Variants in CCDC27 observed in about 807,000 individuals in gnomAD.
The protein encoded by CCDC27 is coiled-coil domain containing 27, also known as coiled-coil domain-containing protein 27.
In CCDC27, 80 loss-of-function variants were observed where a neutral mutation model predicts 80.3. The observed-to-expected ratio is 1.00, with a 90% CI of 0.83 to 1.20. The LOEUF is 1.20. Ranked by LOEUF, CCDC27 falls within the 50% of genes most tolerant of loss-of-function variation. The pLI is 0.00. For synonymous variants in CCDC27, 342 were observed against 334.3 expected (o/e 1.02, Z -0.25); for missense variants, 815 against 809.4 (o/e 1.01, Z -0.08).
In CCDC27 at chr1:3,766,444, G is replaced by A; in HGVS notation, c.1453-91G>A. The A allele has an allele frequency of 1.2e-6, 1 of 806,768 alleles. No homozygotes were observed. The highest frequency in any genetic ancestry group is 2.1e-6 in the Non-Finnish European group (1 of 486,838). The allele number at this position is 806,768 out of a possible 1,614,324, so 50.0% of individuals were successfully genotyped here. On this transcript the variant is annotated intron_variant, in intron 8 of 11. Coordinates refer to ENST00000294600, the MANE Select transcript of CCDC27 (RefSeq NM_152492.3). This position sits in a 1 kb window ranked among gnomAD's most constrained non-coding sequence, Gnocchi z 6.1. ...AATCCCGCTGCTATTATTTTAGGGA[G>A]CTTTGGGGAAGGAAAAAAGTTAGAT...
rs542558276 is a variant in CCDC27 at position 3,761,134 on chromosome 1, G to A, written c.712-147G>A. Reference sequence around the variant, plus strand: ...AGATGTGTAGTGCTAGCTCTTTACCGCAGTACCTATCTTGAAATCCCTGGG... The same window carrying A: ...AGATGTGTAGTGCTAGCTCTTTACCACAGTACCTATCTTGAAATCCCTGGG... On this transcript the variant is annotated intron_variant, in intron 4 of 11. Transcript: ENST00000294600. This position sits in a 1 kb window ranked among gnomAD's most constrained non-coding sequence, Gnocchi z 5.0. The A allele has an allele frequency of 5.8e-5, 49 of 844,264 alleles. No individual in the cohort carries two copies. The highest frequency in any genetic ancestry group is 1.7e-4 in the African/African-American group (10 of 58,160). The allele number at this position is 844,264 out of a possible 1,614,324, so 52.3% of individuals were successfully genotyped here.
chr1:3,755,396 T>C (rs1642926086), intron 2 of CCDC27, 61 bp from the exon 3 acceptor site: 1 of 1,387,994 alleles, frequency 7.2e-7, no homozygotes, highest in African/African-American at 1.4e-5. Context: ...GAGTCTGCCC[T>C]GGAGATCTTG....
intron 4 of CCDC27, 37 bp downstream of exon 4, chr1:3,756,927 C>T (rs779577431): frequency 8.2e-6 from 13 of 1,592,326 alleles, no homozygotes; most frequent in Non-Finnish European, 1.1e-5. Context: ...GGCCCCCCAC[C>T]CCTCTCTCTG....
chr1:3,753,056 T>C (rs10797411), intron 1 of CCDC27, among the ~76,000 whole-genome samples: 57,694 of 152,062 alleles, frequency 0.38, 10,969 homozygotes, highest in Middle Eastern at 0.51. Flanking sequence ...CTGCTTTGGG[T>C]TGGTCCTCCC....
At position 3,766,415 on chromosome 1, in the gene CCDC27, T is replaced by C. The variant is rs558885626; in HGVS notation, c.1453-120T>C. On this transcript the variant is annotated intron_variant, in intron 8 of 11. Coordinates refer to ENST00000294600, the MANE Select transcript of CCDC27 (RefSeq NM_152492.3). This position sits in a 1 kb window ranked among gnomAD's most constrained non-coding sequence, Gnocchi z 6.1. ...CTTCTTCTCTTCTCCCTGCCTTCAA[T>C]AGAAATCCCGCTGCTATTATTTTAG... The C allele has an allele frequency of 4.6e-6, 3 of 651,570 alleles. No homozygotes were observed. Among genetic ancestry groups the C allele is most frequent in the South Asian group, 4.0e-5 (2 of 50,322 alleles). The allele number at this position is 651,570 out of a possible 1,614,324, so 40.4% of individuals were successfully genotyped here.
rs1643222267 is a variant in CCDC27, at chr1:3,766,146, G to C, written c.1453-389G>C. Among the ~76,000 whole-genome samples, 1 of 152,226 alleles carries C rather than the reference G, an allele frequency of 6.6e-6. No homozygotes were observed. The highest frequency in any genetic ancestry group is 6.5e-5 in the Admixed American group (1 of 15,286). Reference sequence around the variant, plus strand: ...CTTCTAAAGTGCTGGGATTACAGGTGTGAGCCACTGCACGTGGCCTAGGGC... The same window carrying C: ...CTTCTAAAGTGCTGGGATTACAGGTCTGAGCCACTGCACGTGGCCTAGGGC... On this transcript the variant is annotated intron_variant, in intron 8 of 11. Transcript: ENST00000294600. This position sits in a 1 kb window ranked among gnomAD's most constrained non-coding sequence, Gnocchi z 6.1.
At chr1:3,762,075 G>A (rs1240479802) in intron 5 of CCDC27, among the ~76,000 whole-genome samples, 1 of 152,166 alleles carries the variant, frequency 6.6e-6, no homozygotes, top group African/African-American at 2.4e-5. Context: ...TTGTGCCCAG[G>A]GGCGGTCACC....
In CCDC27 at chr1:3,768,088, C is replaced by CTT. The variant is rs775378587; in HGVS notation, c.1743+664_1743+665dup. On this transcript the variant is annotated intron_variant, in intron 10 of 11. Coordinates refer to ENST00000294600, the MANE Select transcript of CCDC27 (RefSeq NM_152492.3). This position sits in a 1 kb window ranked among gnomAD's most constrained non-coding sequence, Gnocchi z 5.6. ...AAAAGGAAATCAATAAAGAGCTGACCTTTTTTTTTTTTTTTTTTTTTTCTG... is the reference window on the plus strand; with the variant it reads ...AAAAGGAAATCAATAAAGAGCTGACCTTTTTTTTTTTTTTTTTTTTTTTTCTG... 9.0e-4 allele frequency among the ~76,000 whole-genome samples: 108 copies of CTT among 120,318 alleles called. 1 individual carries two copies. Among genetic ancestry groups the CTT allele is most frequent in the Admixed American group, 2.3e-3 (26 of 11,476 alleles). The allele number at this position is 120,318 out of a possible 152,430, so 78.9% of individuals were successfully genotyped here.
In CCDC27 at chr1:3,769,829, C is replaced by G. The variant is rs1189369576; in HGVS notation, c.1790C>G (p.Ser597Cys). 1 of 1,614,098 alleles carries G rather than the reference C, an allele frequency of 6.2e-7. No homozygotes were observed. Among genetic ancestry groups the G allele is most frequent in the Non-Finnish European group, 8.5e-7 (1 of 1,179,992 alleles). ...ATCATCCAGGCCACCTTTAGCATCT[C>G]CGGGACCAAGTCCTTGGCCAACGAG... The part of the protein sequence containing the change: ...NKIIQATFSI[S>C]GTKSLANEIS... Residue 597 changes from serine to cysteine, a missense_variant, in exon 11 of 12, where the codon TCC (serine) becomes TGC (cysteine). Ser to Cys is a moderately radical substitution (Grantham distance 112). Coordinates refer to ENST00000294600, the MANE Select transcript of CCDC27 (RefSeq NM_152492.3). This position sits in a 1 kb window ranked among gnomAD's most constrained non-coding sequence, Gnocchi z 4.6.
At chr1:3,756,919 C>T (rs1313286151) in intron 4 of CCDC27, 29 bp downstream of exon 4, 2 of 1,595,774 alleles carry the variant, frequency 1.3e-6, no homozygotes, top group South Asian at 1.1e-5. Flanking sequence ...CAAATCCCGG[C>T]CCCCCACCCC....
intron 4 of CCDC27, among the ~76,000 whole-genome samples, chr1:3,759,868 G>A (rs1032465628): frequency 2.0e-5 from 3 of 152,202 alleles, no homozygotes; most frequent in African/African-American, 7.2e-5. Flanking sequence ...ATATGCTGTT[G>A]TTATTCATGC....
rs1392650232 is a variant in CCDC27 at position 3,762,257 on chromosome 1, G to A, written c.862-363G>A. Among the ~76,000 whole-genome samples the A allele has an allele frequency of 3.3e-5, 5 of 152,194 alleles. No homozygotes were observed. In the East Asian group the frequency reaches 5.8e-4, roughly 18 times the overall value. ...CGGGGGCAGGGAAAGGTGGCCAGCC[G>A]GCGGCTTCCACTCTCTGTCCTCCCC... is the stretch of plus-strand genomic sequence containing the variant. On this transcript the variant is annotated intron_variant, in intron 5 of 11. Coordinates refer to ENST00000294600, the MANE Select transcript of CCDC27 (RefSeq NM_152492.3).
At chr1:3,758,351 G>A (rs2124591858) in intron 4 of CCDC27, among the ~76,000 whole-genome samples, 1 of 152,028 alleles carries the variant, frequency 6.6e-6, no homozygotes, top group Admixed American at 6.6e-5. Flanking sequence ...ACCACACCCA[G>A]CTAATTTTTG....
At chr1:3,767,960 G>A (rs958596257) in intron 10 of CCDC27, among the ~76,000 whole-genome samples, 9 of 152,200 alleles carry the variant, frequency 5.9e-5, no homozygotes, top group Admixed American at 2.0e-4. Context: ...CTGCTTTGCG[G>A]TGGTGCTGGG....
At position 3,762,616 on chromosome 1, in the gene CCDC27, G is replaced by T. The variant is rs1207992826; in HGVS notation, c.862-4G>T. On this transcript the variant is annotated splice_polypyrimidine_tract_variant and splice_region_variant and intron_variant, in intron 5 of 11. Transcript: ENST00000294600. ...AAGCTGAGGGTCCCACGGGCGTCTTGCAGGAGCAGCTCTCAGACGCTTCGC... is the reference window on the plus strand; with the variant it reads ...AAGCTGAGGGTCCCACGGGCGTCTTTCAGGAGCAGCTCTCAGACGCTTCGC... The T allele has an allele frequency of 6.4e-7, 1 of 1,550,474 alleles. No individual in the cohort carries two copies. The highest frequency in any genetic ancestry group is 2.4e-5 in the East Asian group (1 of 40,894).
Position 3,754,101 on chromosome 1 carries a change from T to G in CCDC27, c.319-17T>G. 2 of 1,611,664 alleles carry G rather than the reference T, an allele frequency of 1.2e-6. No individual in the cohort carries two copies. The highest frequency in any genetic ancestry group is 1.7e-6 in the Non-Finnish European group (2 of 1,178,800). On this transcript the variant is annotated splice_polypyrimidine_tract_variant and intron_variant, in intron 1 of 11. Coordinates refer to ENST00000294600, the MANE Select transcript of CCDC27 (RefSeq NM_152492.3). ...CAGGGGCCTTCCTTGTCTGTCTTAC[T>G]TTCCCCGCTCTGCCAGAGTGAACCC...
At chr1:3,755,764 C>A (rs1045153756) in intron 3 of CCDC27, 197 bp downstream of exon 3, 11 of 576,490 alleles carry the variant, frequency 1.9e-5, no homozygotes, top group African/African-American at 1.3e-4. Context: ...AGGCTGCAGT[C>A]CCCCCAGGAC....
At chr1:3,759,054 CAA>C (rs58129008) in intron 4 of CCDC27, among the ~76,000 whole-genome samples, 29,747 of 136,456 alleles carry the variant, frequency 0.22, 3,251 homozygotes, top group Admixed American at 0.28. Flanking sequence ...ACTAAAAATA[CAA>C]AAAAAAAAAA....
intron 4 of CCDC27, 27 bp downstream of exon 4, chr1:3,756,917 G>T (rs72846558): frequency 1.3e-6 from 2 of 1,598,346 alleles, no homozygotes; most frequent in South Asian, 1.1e-5. Context: ...TGCAAATCCC[G>T]GCCCCCCACC....
Sources: gnomAD v4.1 joint callset for allele counts (sites outside exome capture counted in the v4.1 genomes callset) on GRCh38, gnomAD v4.1.1 for gene constraint, Gnocchi (gnomAD v3.1) non-coding constraint, MANE v1.5 for transcripts, NCBI Gene and HGNC (gene_info 2026-07-23, HGNC 2026-07-21) for gene names.